RPAIN: variants seen among roughly 807,000 people sequenced by gnomAD.
RPAIN encodes RPA interacting protein.
A neutral mutation model predicts 30.5 loss-of-function variants in RPAIN; 29 were observed. The ratio of observed to expected loss-of-function variants is 0.95; its 90% CI spans 0.71 to 1.30. RPAIN has a LOEUF of 1.30. Ranked by LOEUF, RPAIN falls within the 50% of genes most tolerant of loss-of-function variation. RPAIN has a pLI of 0.00. For synonymous variants in RPAIN, 101 were observed against 93.5 expected (o/e 1.08, Z -0.46); for missense variants, 247 against 264.7 (o/e 0.93, Z 0.46).
chr17:5,424,574 GCAAGAGCA>G (rs1915200260), intron 3 of RPAIN, among the ~76,000 whole-genome samples: 1 of 152,338 alleles, frequency 6.6e-6, no homozygotes, highest in African/African-American at 2.4e-5. Flanking sequence ...TTATGGTGAG[GCAAGAGCA>G]CAAGCTCTTG....
At chr17:5,425,537 T>C in intron 3 of RPAIN, 1 of 351,866 alleles carries the variant, frequency 2.8e-6, no homozygotes, top group South Asian at 2.2e-5. Context: ...GGTTTCACCA[T>C]GTTGGCCAGG....
At position 5,428,076 on chromosome 17, in the gene RPAIN, T is replaced by C. The variant is rs778580329; in HGVS notation, c.495T>C (p.Ser165=). ...TGAACTTTTTTATTTTGTAGTCTTC[T>C]GAGTTGACAGAGCAGAAGCTTCGTG... ...QCGLSIPSHS[S]ELTEQKLRAC... The change falls in exon 6 of 7, where the codon TCT becomes TCC. Residue 165 remains serine (S), a synonymous_variant. Coordinates refer to ENST00000381209, the MANE Select transcript of RPAIN (RefSeq NM_001033002.4). 4.8e-5 allele frequency: 77 copies of C among 1,614,068 alleles called. 1 individual carries two copies. Among genetic ancestry groups the C allele is most frequent in the Admixed American group, 2.0e-4 (12 of 59,996 alleles).
chr17:5,426,968 G>T (rs1194540171), intron 5 of RPAIN: 1 of 152,098 alleles, frequency 6.6e-6, no homozygotes, highest in Non-Finnish European at 1.5e-5. Context: ...TACAGAAAAA[G>T]CCCTTTTATC....
At chr17:5,426,155 C>G in intron 4 of RPAIN, 73 bp downstream of exon 4, 2 of 1,566,444 alleles carry the variant, frequency 1.3e-6, no homozygotes, top group Non-Finnish European at 1.8e-6. Flanking sequence ...AATCTCCCCC[C>G]AGATTTGTTG....
In RPAIN at chr17:5,420,216, G is replaced by A. The variant is rs1404730405; in HGVS notation, c.6G>A (p.Ala2=). The A allele has an allele frequency of 2.5e-6, 4 of 1,613,692 alleles. No homozygotes were observed. The highest frequency in any genetic ancestry group is 1.1e-5 in the South Asian group (1 of 91,026). The change falls in exon 1 of 7, where the codon GCG becomes GCA. Residue 2 remains alanine, a synonymous_variant. Coordinates refer to ENST00000381209, the MANE Select transcript of RPAIN (RefSeq NM_001033002.4). ...TTGTCTCCCGCGAAGAGGAGATGGC[G>A]GAGTCGTTGAGGTCTCCGCGCCGCT... M[A]ESLRSPRRSL... is the part of the protein sequence containing the mutation.
chr17:5,429,233 A>T (rs1915683026), intron 6 of RPAIN: 1 of 984,730 alleles, frequency 1.0e-6, no homozygotes, highest in African/African-American at 1.7e-5. Flanking sequence ...ACCTTCCTGG[A>T]GGAGGCATTT....
chr17:5,428,587 G>C, intron 6 of RPAIN: 3 of 1,049,694 alleles, frequency 2.9e-6, no homozygotes, highest in Non-Finnish European at 3.7e-6. Context: ...TAGCAGGGCA[G>C]CATTAGGTTT....
At chr17:5,428,382 C>T in intron 6 of RPAIN, 171 bp downstream of exon 6, 1 of 1,495,796 alleles carries the variant, frequency 6.7e-7, no homozygotes. Flanking sequence ...GACTCAAAGG[C>T]CAGTCAGAAA....
rs911561833 is a variant in RPAIN at position 5,432,845 on chromosome 17, G to T, written c.*274G>T. 22 of 959,682 alleles carry T rather than the reference G, an allele frequency of 2.3e-5. No homozygotes were observed. The highest frequency in any genetic ancestry group is 3.2e-5 in the Non-Finnish European group (22 of 680,894). 59.4% of individuals were successfully genotyped at this position (959,682 alleles called of 1,614,324 possible). ...AATCTAGAAATAATAGATTTGTACA[G>T]AAAAAAATGATAATAAATGAGAACA... On this transcript the variant is annotated 3_prime_UTR_variant, in exon 7 of 7. Coordinates refer to ENST00000381209, the MANE Select transcript of RPAIN (RefSeq NM_001033002.4).
chr17:5,431,869 T>A, intron 6 of RPAIN: 1 of 334,420 alleles, frequency 3.0e-6, no homozygotes, highest in Admixed American at 4.3e-5. Flanking sequence ...GAAACAAGAG[T>A]AACCCACTTA....
chr17:5,429,376 G>T (rs1041488018), intron 6 of RPAIN: 2 of 985,330 alleles, frequency 2.0e-6, no homozygotes, highest in African/African-American at 3.5e-5. Context: ...TATATACAAA[G>T]AGCATCTTGT....
intron 3 of RPAIN, among the ~76,000 whole-genome samples, chr17:5,423,933 A>T (rs1445800848): frequency 1.4e-5 from 2 of 144,350 alleles, no homozygotes; most frequent in Admixed American, 6.9e-5. Flanking sequence ...TTTTTTATTA[A>T]TTTTTTTTTT....
chr17:5,426,170 A>G (rs1915369660), intron 4 of RPAIN, 66 bp from the exon 5 acceptor site: 2 of 1,583,858 alleles, frequency 1.3e-6, no homozygotes, highest in Non-Finnish European at 1.7e-6. Context: ...TTGTTGCCTG[A>G]AATTCAAGGT....
intron 3 of RPAIN, chr17:5,425,075 T>C (rs953696245): frequency 3.8e-5 from 11 of 288,822 alleles, no homozygotes; most frequent in Non-Finnish European, 6.7e-5. Flanking sequence ...TGGCACAATT[T>C]CTCAGCTCTG....
At chr17:5,425,872 T>A in intron 3 of RPAIN, 99 bp from the exon 4 acceptor site, 1 of 742,636 alleles carries the variant, frequency 1.3e-6, no homozygotes, top group Non-Finnish European at 2.3e-6. Context: ...TGCCCAAATC[T>A]TTCCCTCGTG....
chr17:5,421,525 T>C, intron 2 of RPAIN, 59 bp downstream of exon 2: 1 of 1,505,250 alleles, frequency 6.6e-7, no homozygotes, highest in Non-Finnish European at 9.1e-7. Context: ...ACGGCTCGTG[T>C]CCTCTTTTAT....
intron 5 of RPAIN, chr17:5,426,935 C>T (rs1391558903): frequency 6.6e-6 from 1 of 152,170 alleles, no homozygotes; most frequent in African/African-American, 2.4e-5. Flanking sequence ...AGCCACCACG[C>T]CCGGCCTTCA....
rs1370290080 is a variant in RPAIN, at chr17:5,428,098, C to T, written c.517C>T (p.Arg173Cys). The change falls in exon 6 of 7, where the codon CGT (arginine) becomes TGT (cysteine). Residue 173 changes from arginine to cysteine, a missense_variant. Arg to Cys is a radical substitution (Grantham distance 180). Coordinates refer to ENST00000381209, the MANE Select transcript of RPAIN (RefSeq NM_001033002.4). ...TTCTGAGTTGACAGAGCAGAAGCTTCGTGCCTGTTTAGAGGGTAGTATAAA... is the reference window on the plus strand; with the variant it reads ...TTCTGAGTTGACAGAGCAGAAGCTTTGTGCCTGTTTAGAGGGTAGTATAAA... ...HSSELTEQKLRACLEGSINEH... is the reference protein window; with the variant it reads ...HSSELTEQKLCACLEGSINEH... 9 of 1,614,018 alleles carry T rather than the reference C, an allele frequency of 5.6e-6. No individual in the cohort carries two copies. Among genetic ancestry groups the T allele is most frequent in the Admixed American group, 1.7e-5 (1 of 59,992 alleles).
At chr17:5,428,626 C>T in intron 6 of RPAIN, 1 of 869,768 alleles carries the variant, frequency 1.1e-6, no homozygotes, top group Non-Finnish European at 1.5e-6. Flanking sequence ...TACAGAGGTC[C>T]AAGGGCTATT....
Sources: allele counts gnomAD v4.1 joint callset (sites outside exome capture counted in the v4.1 genomes callset), GRCh38; gene constraint gnomAD v4.1.1; transcripts MANE v1.5; gene names NCBI Gene and HGNC (gene_info 2026-07-23, HGNC 2026-07-21).